Variants in NTN1 observed in about 807,000 individuals in gnomAD.
NTN1 encodes netrin-1.
In NTN1, 11 loss-of-function variants were observed where a neutral mutation model predicts 54.2. The observed-to-expected ratio is 0.20, with a 90% CI of 0.13 to 0.34. The LOEUF (loss-of-function observed/expected upper bound fraction) is 0.34, where lower values mean the gene tolerates loss of function less well. Ranked by LOEUF, NTN1 falls within the 10% of genes least tolerant of loss-of-function variation. NTN1 has a pLI of 1.00. For missense variants in NTN1, 740 were observed against 893.1 expected (o/e 0.83, Z 2.18); for synonymous variants, 371 against 382.0 (o/e 0.97, Z 0.33).
At chr17:9,203,095 T>C (rs947026104) in intron 5 of NTN1, among the ~76,000 whole-genome samples, 1 of 151,970 alleles carries the variant, frequency 6.6e-6, no homozygotes, top group East Asian at 1.9e-4. Flanking sequence ...CTAATTTTTT[T>C]TATTTTTACT....
chr17:9,239,695 G>A lies in NTN1; in HGVS notation c.1542G>A (p.Thr514=), dbSNP rs145630338. 3.1e-6 allele frequency: 5 copies of A among 1,613,152 alleles called. No individual in the cohort carries two copies. The African/African-American group carries it at 4.0e-5, about 13-fold the overall frequency. ...ADKAGDWWKF[T]VNIISVYKQG... ...AGGCGGGGGACTGGTGGAAGTTCACGGTGAACATCATCTCCGTGTATAAGC... is the reference window on the plus strand; with the variant it reads ...AGGCGGGGGACTGGTGGAAGTTCACAGTGAACATCATCTCCGTGTATAAGC... The change falls in exon 7 of 7, where the codon ACG becomes ACA. Residue 514 remains threonine (T), a synonymous_variant. Coordinates refer to ENST00000173229, the MANE Select transcript of NTN1 (RefSeq NM_004822.3). The surrounding 1 kb of genome is among the most constrained non-coding windows in gnomAD (Gnocchi z 5.2).
At chr17:9,133,754 ATTTTTTTTT>A (rs57053201) in intron 2 of NTN1, among the ~76,000 whole-genome samples, 1 of 104,558 alleles carries the variant, frequency 9.6e-6, no homozygotes, top group Admixed American at 1.1e-4. Flanking sequence ...TGCCCAGCTA[ATTTTTTTTT>A]TTTTTTTTTT....
At chr17:9,101,731 G>T (rs556300546) in intron 2 of NTN1, among the ~76,000 whole-genome samples, 66 of 152,360 alleles carry the variant, frequency 4.3e-4, no homozygotes, top group African/African-American at 1.5e-3. Context: ...GCCCAGTGTG[G>T]TGGCTCACAC....
intron 2 of NTN1, among the ~76,000 whole-genome samples, chr17:9,129,751 G>A (rs893879005): frequency 6.6e-6 from 1 of 152,114 alleles, no homozygotes; most frequent in Non-Finnish European, 1.5e-5. Flanking sequence ...TGGACCTCCC[G>A]GCTGCCGTCT....
At chr17:9,164,525 C>T (rs1004990509) in intron 3 of NTN1, among the ~76,000 whole-genome samples, 23 of 152,008 alleles carry the variant, frequency 1.5e-4, no homozygotes, top group Non-Finnish European at 1.0e-4. Flanking sequence ...GAAACAAGGA[C>T]AGCAGAGTTT....
rs760217223 is a variant in NTN1, at chr17:9,022,637, G to T, written c.264G>T (p.Leu88=). 8.3e-6 allele frequency: 13 copies of T among 1,557,502 alleles called. No homozygotes were observed. The South Asian group carries it at 1.5e-4, about 18-fold the overall frequency. ...TGAGCGAGCGCGGCGAGGAGCGGCT[G>T]CGCTCGTGCCACCTCTGCAACGCGT... ...CVVSERGEER[L]RSCHLCNASD... is the part of the protein sequence containing the mutation. The change falls in exon 2 of 7, where the codon CTG becomes CTT. Residue 88 remains leucine, a synonymous_variant. Coordinates refer to ENST00000173229, the MANE Select transcript of NTN1 (RefSeq NM_004822.3).
Position 9,076,381 on chromosome 17 carries a change from G to GT in NTN1, c.1018+52997dup, listed in dbSNP as rs200750395. ...TGTTTTATTTTATTTCTATTTTTAA[G>GT]TTTTTTTGTTAGAGACGGTCTCACC... On this transcript the variant is annotated intron_variant, in intron 2 of 6. Transcript: ENST00000173229. Among the ~76,000 whole-genome samples the GT allele has an allele frequency of 1.5e-4, 23 of 152,184 alleles. No homozygotes were observed. The Middle Eastern group carries it at 0.01, about 68-fold the overall frequency.
intron 2 of NTN1, among the ~76,000 whole-genome samples, chr17:9,162,411 G>A (rs945040093): frequency 1.3e-5 from 2 of 152,204 alleles, no homozygotes; most frequent in Non-Finnish European, 2.9e-5. Flanking sequence ...CTCTGGCAAC[G>A]TCCTCACGGG....
At chr17:9,157,966 G>A (rs2092347803) in intron 2 of NTN1, among the ~76,000 whole-genome samples, 1 of 152,258 alleles carries the variant, frequency 6.6e-6, no homozygotes, top group South Asian at 2.1e-4. Context: ...GAAGGGGCTA[G>A]GGACAGGCCG....
Position 9,022,343 on chromosome 17 carries a change from C to G in NTN1, c.-31C>G. On this transcript the variant is annotated 5_prime_UTR_variant, in exon 2 of 7. Transcript: ENST00000173229. ...CTGCGGCAGGCGGACAGATCCTCGG[C>G]GCGGCAGGGCCGGGGCAAGCTGGAC... 1 of 1,272,442 alleles carries G rather than the reference C, an allele frequency of 7.9e-7. No homozygotes were observed. Among genetic ancestry groups the G allele is most frequent in the East Asian group, 3.2e-5 (1 of 31,296 alleles). The allele number at this position is 1,272,442 out of a possible 1,614,324, so 78.8% of individuals were successfully genotyped here.
At chr17:9,215,474 C>G (rs944410430) in intron 5 of NTN1, among the ~76,000 whole-genome samples, 3 of 152,330 alleles carry the variant, frequency 2.0e-5, no homozygotes, top group African/African-American at 7.2e-5. Context: ...TATGCCATCA[C>G]TTTCCCCTGT....
chr17:9,088,889 C>A (rs2092098960), intron 2 of NTN1, among the ~76,000 whole-genome samples: 1 of 152,132 alleles, frequency 6.6e-6, no homozygotes, highest in South Asian at 2.1e-4. Flanking sequence ...CATCACGAAA[C>A]CCTCGCACCT....
rs549256572 is a variant in NTN1, at chr17:9,058,677, GA to G, written c.1018+35293del. Among the ~76,000 whole-genome samples the G allele has an allele frequency of 3.1e-4, 32 of 102,486 alleles. No individual in the cohort carries two copies. The South Asian group carries it at 3.6e-3, about 12-fold the overall frequency. The allele number at this position is 102,486 out of a possible 152,430, so 67.2% of individuals were successfully genotyped here. On this transcript the variant is annotated intron_variant, in intron 2 of 6. Coordinates refer to ENST00000173229, the MANE Select transcript of NTN1 (RefSeq NM_004822.3). Reference sequence around the variant, plus strand: ...AAAAAAAAAAAAAGAAAAGAAAAAAGAAAAAAATAGCTTAGAGAAAAGAATG... The same window carrying G: ...AAAAAAAAAAAAAGAAAAGAAAAAAGAAAAAATAGCTTAGAGAAAAGAATG...
chr17:9,243,679 C>T lies in NTN1; in HGVS notation c.*3711C>T, dbSNP rs1158601782. On this transcript the variant is annotated 3_prime_UTR_variant, in exon 7 of 7. Coordinates refer to ENST00000173229, the MANE Select transcript of NTN1 (RefSeq NM_004822.3). ...CATTGGACGTTTCTTCCCATTCCCTCCTCCCAAATGCACTTCCCCTCCTCC... is the reference window on the plus strand; with the variant it reads ...CATTGGACGTTTCTTCCCATTCCCTTCTCCCAAATGCACTTCCCCTCCTCC... The T allele has an allele frequency of 2.6e-5, 4 of 152,152 alleles. No homozygotes were observed. Among genetic ancestry groups the T allele is most frequent in the Non-Finnish European group, 4.4e-5 (3 of 68,052 alleles). 9.4% of individuals were successfully genotyped at this position (152,152 alleles called of 1,614,324 possible). A position where few individuals can be genotyped will look rare whatever the true frequency, so the allele number is the denominator to read the frequency against.
rs1228698903 is a variant in NTN1 at position 9,135,057 on chromosome 17, G to A, written c.1019-27756G>A. Among the ~76,000 whole-genome samples, 1 of 151,968 alleles carries A rather than the reference G, an allele frequency of 6.6e-6. No individual in the cohort carries two copies. Among genetic ancestry groups the A allele is most frequent in the Non-Finnish European group, 1.5e-5 (1 of 68,000 alleles). On this transcript the variant is annotated intron_variant, in intron 2 of 6. Transcript: ENST00000173229. This position sits in a 1 kb window ranked among gnomAD's most constrained non-coding sequence, Gnocchi z 4.4. ...CCCCCATACCCAGACCAAATTCTCC[G>A]AGTGCTGTACCTGGACACGGGTGTC...
intron 2 of NTN1, among the ~76,000 whole-genome samples, chr17:9,057,156 T>G: frequency 9.6e-6 from 1 of 104,090 alleles, no homozygotes; most frequent in African/African-American, 3.8e-5. Context: ...CGCAGAGCCC[T>G]GTCCTCTTCT....
At chr17:9,123,914 GA>G (rs1216801587) in intron 2 of NTN1, among the ~76,000 whole-genome samples, 1 of 152,176 alleles carries the variant, frequency 6.6e-6, no homozygotes, top group Non-Finnish European at 1.5e-5. Context: ...CCAGATCTTT[GA>G]AAACACCGGG....
At chr17:9,064,965 C>T (rs1476234173) in intron 2 of NTN1, among the ~76,000 whole-genome samples, 3 of 152,028 alleles carry the variant, frequency 2.0e-5, no homozygotes, top group Non-Finnish European at 4.4e-5. Flanking sequence ...GAGATGGCGC[C>T]TCTCTCTGTC....
chr17:9,113,517 C>A (rs891272402), intron 2 of NTN1, among the ~76,000 whole-genome samples: 4 of 152,098 alleles, frequency 2.6e-5, no homozygotes, highest in South Asian at 2.1e-4. Flanking sequence ...TCAACTGTAT[C>A]TGAAGGAGCC....
Sources: gnomAD v4.1 joint callset for allele counts (sites outside exome capture counted in the v4.1 genomes callset) on GRCh38, gnomAD v4.1.1 for gene constraint, Gnocchi (gnomAD v3.1) non-coding constraint, MANE v1.5 for transcripts, NCBI Gene and HGNC (gene_info 2026-07-23, HGNC 2026-07-21) for gene names.